Variants in MYO3B observed in about 807,000 individuals in gnomAD.
The protein encoded by MYO3B is myosin-IIIb.
MYO3B carries 156 observed loss-of-function variants against 174.6 expected under a neutral mutation model. The ratio of observed to expected loss-of-function variants is 0.89; its 90% CI spans 0.78 to 1.02. The LOEUF (loss-of-function observed/expected upper bound fraction) is 1.02. Among genes scored for constraint, MYO3B ranks in the 50% least tolerant of loss-of-function variants. The pLI is 0.00. For missense variants in MYO3B, 1,632 were observed against 1,639.4 expected, an observed-to-expected ratio of 1.00 and a Z score of 0.08; for synonymous variants, 563 against 569.1, an observed-to-expected ratio of 0.99 and a Z score of 0.15.
chr2:170,372,980 G>A (rs16858239), intron 9 of MYO3B, among the ~76,000 whole-genome samples: 119,374 of 151,750 alleles, frequency 0.79, 49,687 homozygotes, highest in Non-Finnish European at 0.92. Context: ...AGGTAGACAG[G>A]AGCCACGTCA....
At chr2:170,368,741 ATTAGTTTTT>A (rs2094216715) in intron 8 of MYO3B, among the ~76,000 whole-genome samples, 1 of 152,150 alleles carries the variant, frequency 6.6e-6, no homozygotes, top group African/African-American at 2.4e-5. Context: ...TTTCTTTATG[ATTAGTTTTT>A]TTCCTTTTAA....
chr2:170,628,797 C>A (rs986756475), intron 32 of MYO3B, among the ~76,000 whole-genome samples: 2 of 152,144 alleles, frequency 1.3e-5, no homozygotes, highest in Non-Finnish European at 2.9e-5. Flanking sequence ...TTTTGTGAAG[C>A]TTTAGTATAG....
At chr2:170,465,251 A>C (rs1044499301) in intron 24 of MYO3B, among the ~76,000 whole-genome samples, 1 of 152,138 alleles carries the variant, frequency 6.6e-6, no homozygotes, top group African/African-American at 2.4e-5. Flanking sequence ...ACCAGCATCT[A>C]CTTGGCTTCT....
chr2:170,626,255 ATAT>A (rs1696419700), intron 32 of MYO3B, among the ~76,000 whole-genome samples: 1 of 152,164 alleles, frequency 6.6e-6, no homozygotes, highest in African/African-American at 2.4e-5. Flanking sequence ...GGGTGCATAT[ATAT>A]TTAGGATAGT....
chr2:170,290,426 A>G (rs1574725722), intron 7 of MYO3B, among the ~76,000 whole-genome samples: 1 of 152,272 alleles, frequency 6.6e-6, no homozygotes, highest in Admixed American at 6.5e-5. Flanking sequence ...TTATCATTAT[A>G]TAGTTACCTT....
intron 25 of MYO3B, among the ~76,000 whole-genome samples, chr2:170,491,627 C>A (rs1252639657): frequency 1.3e-5 from 2 of 152,240 alleles, no homozygotes; most frequent in Non-Finnish European, 2.9e-5. Context: ...GGGTTTCACC[C>A]CCTTAGCCAG....
intron 7 of MYO3B, among the ~76,000 whole-genome samples, chr2:170,285,074 G>C (rs2105402524): frequency 6.6e-6 from 1 of 152,234 alleles, no homozygotes; most frequent in South Asian, 2.1e-4. Context: ...ATAGCATTCT[G>C]TTATTGGACT....
chr2:170,230,776 C>T (rs1241474200), intron 6 of MYO3B, among the ~76,000 whole-genome samples: 12 of 152,072 alleles, frequency 7.9e-5, no homozygotes, highest in Admixed American at 7.9e-4. Flanking sequence ...CTACTATTAA[C>T]ATTTTAGTGC....
chr2:170,592,745 G>A lies in MYO3B; in HGVS notation c.3733+48757G>A, dbSNP rs145925397. Among the ~76,000 whole-genome samples the A allele has an allele frequency of 1.0e-3, 157 of 152,172 alleles. No individual in the cohort carries two copies. The South Asian group carries it at 0.013, about 12-fold the overall frequency. ...TGCCCATCACATGGCCATGGTAGATGCTCAATAAATATTTCTGACTGTTGG... is the reference window on the plus strand; with the variant it reads ...TGCCCATCACATGGCCATGGTAGATACTCAATAAATATTTCTGACTGTTGG... On this transcript the variant is annotated intron_variant, in intron 32 of 34. Coordinates refer to ENST00000408978, the MANE Select transcript of MYO3B (RefSeq NM_138995.5).
In MYO3B at chr2:170,466,601, C is replaced by G. The variant is rs1684648325; in HGVS notation, c.2904C>G (p.Phe968Leu). ...ATGATGACCGAGAGGCCCTGCAGTT[C>G]TCTCGAGAGAGGGTGCTGGCCCAGC... is the stretch of plus-strand genomic sequence containing the variant. ...KPNDDREALQ[F>L]SRERVLAQLR... The change falls in exon 25 of 35, where the codon TTC (phenylalanine) becomes TTG (leucine). Residue 968 changes from phenylalanine to leucine, a missense_variant. Phe to Leu is a conservative substitution (Grantham distance 22). Coordinates refer to ENST00000408978, the MANE Select transcript of MYO3B (RefSeq NM_138995.5). The G allele has an allele frequency of 3.7e-6, 6 of 1,614,250 alleles. No homozygotes were observed. The East Asian group carries it at 1.1e-4, about 30-fold the overall frequency.
chr2:170,384,394 C>G (rs913104540), intron 12 of MYO3B, among the ~76,000 whole-genome samples: 1 of 152,140 alleles, frequency 6.6e-6, no homozygotes, highest in African/African-American at 2.4e-5. Context: ...AATCTTTCAT[C>G]CCTTCTTTAC....
At chr2:170,428,185 C>T (rs2094680285) in intron 22 of MYO3B, among the ~76,000 whole-genome samples, 1 of 152,146 alleles carries the variant, frequency 6.6e-6, no homozygotes, top group African/African-American at 2.4e-5. Context: ...GCAACAGAGC[C>T]ATTGCTGGTT....
chr2:170,435,399 G>A (rs1194385449), intron 22 of MYO3B, among the ~76,000 whole-genome samples: 1 of 152,184 alleles, frequency 6.6e-6, no homozygotes, highest in African/African-American at 2.4e-5. Context: ...CCATGGAAGA[G>A]CTGATGAGTC....
In MYO3B at chr2:170,276,496, CT is replaced by C. The variant is rs750247398; in HGVS notation, c.749+40361del. ...CTGTATTTTATATAGCATACAAACC[CT>C]GTAGCCTAACCGTCCTGCCATCTTA... On this transcript the variant is annotated intron_variant, in intron 7 of 34. Transcript: ENST00000408978. 5.9e-5 allele frequency among the ~76,000 whole-genome samples: 9 copies of C among 152,106 alleles called. No individual in the cohort carries two copies. In the East Asian group the frequency reaches 1.7e-3, roughly 29 times the overall value.
At chr2:170,459,068 G>A (rs998840304) in intron 23 of MYO3B, among the ~76,000 whole-genome samples, 3 of 152,198 alleles carry the variant, frequency 2.0e-5, no homozygotes, top group African/African-American at 7.2e-5. Flanking sequence ...CAGGAGTGAA[G>A]CTGCAGACCT....
At chr2:170,613,370 T>C (rs542700066) in intron 32 of MYO3B, among the ~76,000 whole-genome samples, 9 of 152,214 alleles carry the variant, frequency 5.9e-5, no homozygotes, top group Non-Finnish European at 1.2e-4. Context: ...TGTTGAACTC[T>C]GACGCACACC....
chr2:170,630,166 T>C (rs1696827708), intron 32 of MYO3B, among the ~76,000 whole-genome samples: 1 of 152,168 alleles, frequency 6.6e-6, no homozygotes, highest in Non-Finnish European at 1.5e-5. Context: ...AGGGAAACCG[T>C]GACAGACTGT....
chr2:170,628,094 G>C (rs1364256268), intron 32 of MYO3B, among the ~76,000 whole-genome samples: 1 of 152,162 alleles, frequency 6.6e-6, no homozygotes, highest in African/African-American at 2.4e-5. Context: ...GGACATTTAA[G>C]TCTTCAGAGG....
chr2:170,383,218 C>T, intron 11 of MYO3B, 29 bp downstream of exon 11: 4 of 1,314,452 alleles, frequency 3.0e-6, no homozygotes, highest in Non-Finnish European at 4.3e-6. Flanking sequence ...GCATACTGCT[C>T]CTTAATAGGA....
Sources: gnomAD v4.1 joint callset for allele counts (sites outside exome capture counted in the v4.1 genomes callset) on GRCh38, gnomAD v4.1.1 for gene constraint, MANE v1.5 for transcripts, NCBI Gene and HGNC (gene_info 2026-07-23, HGNC 2026-07-21) for gene names.